Variants in TRIM49 observed in about 807,000 individuals in gnomAD.
The protein encoded by TRIM49 is tripartite motif-containing protein 49.
Under a neutral mutation model 27.4 loss-of-function variants are expected in TRIM49, and 5 were observed. The ratio of observed to expected loss-of-function variants is 0.18; its 90% CI spans 0.10 to 0.38. TRIM49 has a LOEUF of 0.38. TRIM49 is among the 10% of genes least tolerant of loss of function. TRIM49 has a pLI of 1.00. For missense variants in TRIM49, 188 were observed against 487.5 expected, an observed-to-expected ratio of 0.39 and a Z score of 5.79; for synonymous variants, 69 against 166.0, an observed-to-expected ratio of 0.42 and a Z score of 4.49.
At chr11:89,766,674 G>T in the TRIM49 span, 8 of 1,512,594 alleles carry the variant, frequency 5.3e-6, no homozygotes, top group East Asian at 1.8e-4. Flanking sequence ...GGAATTCTTG[G>T]TGACATTCAA....
downstream of TRIM49, among the ~76,000 whole-genome samples, chr11:89,796,429 T>C (rs1949689403): frequency 1.5e-5 from 2 of 137,366 alleles, no homozygotes; most frequent in Admixed American, 1.4e-4. Flanking sequence ...AGACATGAGG[T>C]CTGACTATGT....
the TRIM49 span, among the ~76,000 whole-genome samples, chr11:89,770,052 G>A: frequency 2.3e-5 from 3 of 128,954 alleles, 1 homozygote; most frequent in South Asian, 5.0e-4. Flanking sequence ...GGAGGATGCC[G>A]TCGAGGTCAA....
chr11:89,772,238 T>C, the TRIM49 span, among the ~76,000 whole-genome samples: 1 of 138,038 alleles, frequency 7.2e-6, no homozygotes. Flanking sequence ...ATTGTAAAAA[T>C]ACTGTATACA....
At chr11:89,792,894 C>T (rs1267910687), downstream of TRIM49, among the ~76,000 whole-genome samples, 4 of 152,094 alleles carry the variant, frequency 2.6e-5, no homozygotes, top group African/African-American at 9.7e-5. Context: ...TAACTACGAT[C>T]AGAGCAGAAC....
chr11:89,793,548 C>T (rs577388092), downstream of TRIM49, among the ~76,000 whole-genome samples: 4 of 152,176 alleles, frequency 2.6e-5, no homozygotes, highest in African/African-American at 7.2e-5. Flanking sequence ...AGCAAGTGGG[C>T]TTCATCCCTG....
the TRIM49 span, among the ~76,000 whole-genome samples, chr11:89,785,349 C>T: frequency 1.4e-5 from 2 of 143,820 alleles, 1 homozygote; most frequent in African/African-American, 5.5e-5. Context: ...GGAAGGAGAA[C>T]ATACTTAACA....
At position 89,807,083 on chromosome 11, in the gene TRIM49, A is replaced by C. The variant is rs1368884679; in HGVS notation, c.-5+16T>G. 1 of 152,170 alleles carries C rather than the reference A, an allele frequency of 6.6e-6. No individual in the cohort carries two copies. Among genetic ancestry groups the C allele is most frequent in the Non-Finnish European group, 1.5e-5 (1 of 67,890 alleles). 9.4% of individuals were successfully genotyped at this position (152,170 alleles called of 1,614,324 possible). ...AAAGGAAAGATGATATAATTTTATCAATATGTTTCACTCACCCTGGAGTTC... is the reference window on the plus strand; with the variant it reads ...AAAGGAAAGATGATATAATTTTATCCATATGTTTCACTCACCCTGGAGTTC... On this transcript the variant is annotated intron_variant, in intron 2 of 7. Transcript: ENST00000329758.
At chr11:89,773,236 A>G in the TRIM49 span, among the ~76,000 whole-genome samples, 2 of 131,880 alleles carry the variant, frequency 1.5e-5, no homozygotes, top group South Asian at 2.4e-4. Context: ...AATAATTATT[A>G]TATAATTTTT....
intron 6 of TRIM49, among the ~76,000 whole-genome samples, chr11:89,800,542 G>A (rs1237002677): frequency 2.0e-5 from 3 of 151,072 alleles, no homozygotes; most frequent in Admixed American, 6.6e-5. Flanking sequence ...AGGAGATAGA[G>A]ACCATCCTGG....
At chr11:89,785,034 A>G in the TRIM49 span, among the ~76,000 whole-genome samples, 1 of 149,954 alleles carries the variant, frequency 6.7e-6, no homozygotes, top group Admixed American at 6.6e-5. Context: ...TCAATCATTA[A>G]TCCAGAAATC....
intron 2 of TRIM49, among the ~76,000 whole-genome samples, chr11:89,805,420 C>CTT (rs1159970184): frequency 6.6e-6 from 1 of 150,594 alleles, no homozygotes; most frequent in African/African-American, 2.4e-5. Context: ...GGAGCCTCAT[C>CTT]TCTCAATGTG....
At position 89,804,299 on chromosome 11, in the gene TRIM49, CTT is replaced by C. The variant is rs1949768114; in HGVS notation, c.169_170del (p.Lys57ValfsTer32). On this transcript the variant is annotated frameshift_variant, in exon 3 of 8. Transcript: ENST00000329758. LOFTEE classifies it high-confidence loss of function. ...PFLVQCSECT[K>X]STEQINLKTN... ...TTTTGAGGTTTATCTGCTCGGTTGACTTTGTGCATTCAGAGCACTGGACAAGA... is the reference window on the plus strand; with the variant it reads ...TTTTGAGGTTTATCTGCTCGGTTGACTGTGCATTCAGAGCACTGGACAAGA... The C allele has an allele frequency of 6.2e-7, 1 of 1,611,994 alleles. No individual in the cohort carries two copies.
the TRIM49 span, among the ~76,000 whole-genome samples, chr11:89,774,484 G>A: frequency 6.8e-6 from 1 of 147,350 alleles, no homozygotes; most frequent in Non-Finnish European, 1.5e-5. Flanking sequence ...GTCTTCCGTG[G>A]GCCCATACAC....
chr11:89,805,073 A>G (rs1949778176), intron 2 of TRIM49, among the ~76,000 whole-genome samples: 1 of 151,934 alleles, frequency 6.6e-6, no homozygotes, highest in African/African-American at 2.4e-5. Flanking sequence ...ATTTAAAAAA[A>G]AGCCAACCAA....
downstream of TRIM49, among the ~76,000 whole-genome samples, chr11:89,796,916 T>C (rs1396798741): frequency 6.7e-6 from 1 of 150,190 alleles, no homozygotes; most frequent in African/African-American, 2.4e-5. Context: ...ATCAGTTGAC[T>C]ATATTTTAGA....
chr11:89,805,237 G>A (rs1367860183), intron 2 of TRIM49, among the ~76,000 whole-genome samples: 39 of 150,600 alleles, frequency 2.6e-4, no homozygotes, highest in Non-Finnish European at 5.5e-4. Context: ...CATATAGGAG[G>A]TTTTTGTTAA....
chr11:89,791,297 G>A, the TRIM49 span, among the ~76,000 whole-genome samples: 3 of 152,150 alleles, frequency 2.0e-5, no homozygotes, highest in East Asian at 5.8e-4. Context: ...GGGGAGTATG[G>A]ATACGAGTTG....
chr11:89,792,785 G>A (rs1466003780), downstream of TRIM49, among the ~76,000 whole-genome samples: 2 of 152,074 alleles, frequency 1.3e-5, no homozygotes, highest in African/African-American at 4.8e-5. Context: ...GCCCACAAGA[G>A]AAAGCAGGAA....
chr11:89,807,128 G>C lies in TRIM49; in HGVS notation c.-34C>G, dbSNP rs1318856584. ...GAGTTCTTTTAATGGTTCCCACAAC[G>C]ATTTTTCCAAAAATAATTTTGTTAA... On this transcript the variant is annotated 5_prime_UTR_variant, in exon 2 of 8. In the 5' UTR this introduces an upstream ATG that the reference lacks. Coordinates refer to ENST00000329758, the MANE Select transcript of TRIM49 (RefSeq NM_020358.2). 2.0e-5 allele frequency: 3 copies of C among 152,518 alleles called. No individual in the cohort carries two copies. Among genetic ancestry groups the C allele is most frequent in the Non-Finnish European group, 4.4e-5 (3 of 67,918 alleles). The allele number at this position is 152,518 out of a possible 1,614,324, so 9.4% of individuals were successfully genotyped here.
Sources: gnomAD v4.1 joint callset for allele counts (sites outside exome capture counted in the v4.1 genomes callset) on GRCh38, gnomAD v4.1.1 for gene constraint, MANE v1.5 for transcripts, NCBI Gene and HGNC (gene_info 2026-07-23, HGNC 2026-07-21) for gene names.